SCN9A: variants seen among roughly 807,000 people sequenced by gnomAD.
SCN9A encodes sodium voltage-gated channel alpha subunit 9, also known as sodium channel protein type 9 subunit alpha.
SCN9A carries 131 observed loss-of-function variants against 187.0 expected under a neutral mutation model. That is an observed-to-expected ratio of 0.70 (90% confidence interval 0.61 to 0.81). The LOEUF is 0.81. Ranked by LOEUF, SCN9A falls within the 30% of genes least tolerant of loss-of-function variation. SCN9A has a pLI of 0.00. For synonymous variants in SCN9A, 809 were observed against 808.6 expected, an observed-to-expected ratio of 1.00 and a Z score of -0.01; for missense variants, 2,252 against 2,396.6, an observed-to-expected ratio of 0.94 and a Z score of 1.26.
intron 16 of SCN9A, among the ~76,000 whole-genome samples, chr2:166,276,253 A>G (rs1275655220): frequency 6.6e-6 from 1 of 152,190 alleles, no homozygotes; most frequent in African/African-American, 2.4e-5. Context: ...AGTGGCTGGA[A>G]AACTTTTTCG....
chr2:166,222,930 C>CAA lies in SCN9A; in HGVS notation c.4398+3635_4398+3636dup, dbSNP rs1369885268. Among the ~76,000 whole-genome samples, 16 of 19,522 alleles carry CAA rather than the reference C, an allele frequency of 8.2e-4. 1 individual carries two copies. The highest frequency in any genetic ancestry group is 9.0e-4 in the Non-Finnish European group (10 of 11,116). The allele number at this position is 19,522 out of a possible 152,430, so 12.8% of individuals were successfully genotyped here. A position where few individuals can be genotyped will look rare whatever the true frequency, so the allele number is the denominator to read the frequency against. ...TGGGCGACAGAGCGAAACTCCGTCT[C>CAA]AAAAAAAAAAACAACAAAAAAAAAA... On this transcript the variant is annotated intron_variant, in intron 24 of 26. Transcript: ENST00000642356.
intron 17 of SCN9A, among the ~76,000 whole-genome samples, chr2:166,260,976 T>C (rs1042243759): frequency 1.3e-5 from 2 of 151,822 alleles, no homozygotes; most frequent in South Asian, 2.1e-4. Context: ...AAAATATTCT[T>C]ATTTTCATAT....
intron 1 of SCN9A, among the ~76,000 whole-genome samples, chr2:166,357,065 T>C (rs955736455): frequency 6.6e-6 from 1 of 152,158 alleles, no homozygotes; most frequent in Admixed American, 6.5e-5. Context: ...CACCAAGGTC[T>C]TAAGCCAAGT....
intron 24 of SCN9A, among the ~76,000 whole-genome samples, chr2:166,214,810 G>C (rs949364569): frequency 3.3e-5 from 5 of 151,530 alleles, no homozygotes; most frequent in South Asian, 2.1e-4. Context: ...CACCGCGCCC[G>C]GCCACAATCT....
chr2:166,256,943 A>C (rs1696303469), intron 17 of SCN9A, among the ~76,000 whole-genome samples: 1 of 151,696 alleles, frequency 6.6e-6, no homozygotes, highest in Non-Finnish European at 1.5e-5. Context: ...GAATATAAAG[A>C]AATCATATAA....
intron 24 of SCN9A, among the ~76,000 whole-genome samples, chr2:166,208,882 T>G (rs141817824): frequency 6.6e-6 from 1 of 152,194 alleles, no homozygotes; most frequent in East Asian, 1.9e-4. Flanking sequence ...TTGAAACAAT[T>G]TATCCATCCT....
In SCN9A at chr2:166,226,601, A is replaced by T. The variant is rs201049763; in HGVS notation, c.4364T>A (p.Val1455Asp). ...CTGTTGGTTGAAATTATCTATGATG[A>T]CACCAATGAACAAGTTCAAAGTGAA... The part of the protein sequence containing the change: ...SFFTLNLFIG[V>D]IIDNFNQQKK... The change falls in exon 24 of 27, where the codon GTC becomes GAC. Residue 1455 changes from valine to aspartate, a missense_variant. Transcript: ENST00000642356. The T allele has an allele frequency of 3.8e-6, 6 of 1,584,720 alleles. No individual in the cohort carries two copies. The highest frequency in any genetic ancestry group is 2.7e-5 in the African/African-American group (2 of 74,310).
intron 17 of SCN9A, among the ~76,000 whole-genome samples, chr2:166,260,352 T>C (rs1696453103): frequency 6.6e-6 from 1 of 151,854 alleles, no homozygotes; most frequent in Non-Finnish European, 1.5e-5. Context: ...TGAATGCTTG[T>C]TCCTCTGCCT....
chr2:166,286,557 T>A lies in SCN9A; in HGVS notation c.1381A>T (p.Ser461Cys). 6.2e-7 allele frequency: 1 copy of A among 1,605,844 alleles called. No individual in the cohort carries two copies. ...CTCAGTTTGGATGTTTCAGAAGAAC[T>A]CTCTGAGAGGCCCATAATTCTGCTT... Reference protein sequence around the residue: ...RRSRIMGLSESSSETSKLSSK... With the variant: ...RRSRIMGLSECSSETSKLSSK... Residue 461 changes from serine to cysteine, a missense_variant, in exon 11 of 27, where the codon AGT (serine) becomes TGT (cysteine). Around this residue, in one of 7 missense-constraint regions of SCN9A, gnomAD observed 1,013 missense variants for 997.4 expected, o/e 1.02. Transcript: ENST00000642356.
chr2:166,290,660 TGA>T, intron 9 of SCN9A, among the ~76,000 whole-genome samples: 1 of 152,200 alleles, frequency 6.6e-6, no homozygotes, highest in African/African-American at 2.4e-5. Flanking sequence ...CGTTTCTTAA[TGA>T]TCACTGATGT....
chr2:166,230,263 G>C (rs1262590979), intron 21 of SCN9A, among the ~76,000 whole-genome samples: 2 of 152,096 alleles, frequency 1.3e-5, no homozygotes, highest in African/African-American at 4.8e-5. Flanking sequence ...ACCTGTAGAG[G>C]TTTCCTGGGG....
At chr2:166,256,651 C>G (rs1696290393) in intron 17 of SCN9A, among the ~76,000 whole-genome samples, 1 of 150,836 alleles carries the variant, frequency 6.6e-6, no homozygotes, top group Admixed American at 6.6e-5. Context: ...AATTTTTTTT[C>G]CTTTCCTATT....
At chr2:166,256,425 G>GA (rs551314666) in intron 17 of SCN9A, among the ~76,000 whole-genome samples, 4 of 150,682 alleles carry the variant, frequency 2.7e-5, no homozygotes, top group Non-Finnish European at 4.4e-5. Context: ...GGAATTTCAG[G>GA]AAAAAAATGG....
intron 18 of SCN9A, among the ~76,000 whole-genome samples, chr2:166,242,917 C>T (rs987890750): frequency 7.2e-5 from 11 of 152,090 alleles, no homozygotes; most frequent in Admixed American, 6.6e-5. Context: ...TCTCTTCAGT[C>T]TCCTCCACAG....
At chr2:166,201,229 A>C (rs1220782700) in intron 26 of SCN9A, among the ~76,000 whole-genome samples, 1 of 147,792 alleles carries the variant, frequency 6.8e-6, no homozygotes, top group Non-Finnish European at 1.5e-5. Flanking sequence ...CATACTATAT[A>C]TACTATATAC....
intron 17 of SCN9A, among the ~76,000 whole-genome samples, chr2:166,268,360 T>C (rs1224703847): frequency 6.6e-6 from 1 of 151,930 alleles, no homozygotes; most frequent in African/African-American, 2.4e-5. Context: ...ATTGGGTAAT[T>C]CAATTTGCCT....
intron 12 of SCN9A, among the ~76,000 whole-genome samples, chr2:166,282,845 G>C (rs531228330): frequency 3.2e-4 from 48 of 152,186 alleles, no homozygotes; most frequent in African/African-American, 1.2e-3. Flanking sequence ...TTTTTGAAAA[G>C]TCTCGAAAAC....
intron 17 of SCN9A, among the ~76,000 whole-genome samples, chr2:166,261,129 A>G (rs1006981764): frequency 4.6e-5 from 7 of 151,950 alleles, no homozygotes; most frequent in South Asian, 4.1e-4. Flanking sequence ...GAAAATTACC[A>G]TCCTTCAATT....
chr2:166,305,057 G>A lies in SCN9A; in HGVS notation c.597-728C>T, dbSNP rs538259887. Among the ~76,000 whole-genome samples the A allele has an allele frequency of 2.0e-5, 3 of 152,148 alleles. No individual in the cohort carries two copies. The East Asian group carries it at 5.8e-4, about 29-fold the overall frequency. On this transcript the variant is annotated intron_variant, in intron 5 of 26. Coordinates refer to ENST00000642356, the MANE Select transcript of SCN9A (RefSeq NM_001365536.1). ...AAGGAGGGAGCCTGATGGAAAAGAG[G>A]TTAGGCAGGGATGAAGGAATCGGAT...
Sources: gnomAD v4.1 joint callset for allele counts (sites outside exome capture counted in the v4.1 genomes callset) on GRCh38, gnomAD v4.1.1 for gene constraint, gnomAD v4.1.1 regional missense constraint, MANE v1.5 for transcripts, NCBI Gene and HGNC (gene_info 2026-07-23, HGNC 2026-07-21) for gene names.